The following GABRR1 variants were observed in gnomAD, a reference collection of about 807,000 sequenced individuals.
The protein encoded by GABRR1 is gamma-aminobutyric acid type A receptor subunit rho1.
GABRR1 carries 59 observed loss-of-function variants against 55.5 expected under a neutral mutation model. The observed-to-expected ratio is 1.06, with a 90% CI of 0.86 to 1.32. The LOEUF (loss-of-function observed/expected upper bound fraction) is 1.32. Ranked by LOEUF, GABRR1 falls within the 40% of genes most tolerant of loss-of-function variation. GABRR1 has a pLI of 0.00. For missense variants in GABRR1, 602 were observed against 619.1 expected, an observed-to-expected ratio of 0.97 and a Z score of 0.29; for synonymous variants, 213 against 226.0, an observed-to-expected ratio of 0.94 and a Z score of 0.51.
At chr6:89,213,235 C>T (rs1017418538) in intron 1 of GABRR1, among the ~76,000 whole-genome samples, 7 of 152,188 alleles carry the variant, frequency 4.6e-5, no homozygotes, top group African/African-American at 1.7e-4. Flanking sequence ...GATTCACCCC[C>T]TGGTGTGCCC....
rs566998787 is a variant in GABRR1 at position 89,215,541 on chromosome 6, A to ATGAGGTAT, written c.122+1659_122+1660insATACCTCA. ...TACCAGAGGCTGGGAGATTGAGGGTATGAGGAGATGTTGGCCAAGAAGTAG... is the reference window on the plus strand; with the variant it reads ...TACCAGAGGCTGGGAGATTGAGGGTATGAGGTATTGAGGAGATGTTGGCCAAGAAGTAG... On this transcript the variant is annotated intron_variant, in intron 1 of 9. Transcript: ENST00000454853. Among the ~76,000 whole-genome samples the ATGAGGTAT allele has an allele frequency of 4.5e-3, 686 of 152,310 alleles. 17 individuals are homozygous for ATGAGGTAT. The highest frequency in any genetic ancestry group is 0.042 in the Admixed American group (644 of 15,294).
At chr6:89,220,309 T>C (rs1773095183), upstream of GABRR1, among the ~76,000 whole-genome samples, 1 of 152,128 alleles carries the variant, frequency 6.6e-6, no homozygotes, top group Admixed American at 6.5e-5. Context: ...GTTCAGCAGG[T>C]CCCCAGTTAG....
upstream of GABRR1, among the ~76,000 whole-genome samples, chr6:89,218,092 C>G (rs1773042636): frequency 6.6e-6 from 1 of 152,168 alleles, no homozygotes. Context: ...CTTTAAGACT[C>G]TGCTATAATC....
chr6:89,187,073 G>A (rs1771925296), intron 6 of GABRR1, among the ~76,000 whole-genome samples: 1 of 152,170 alleles, frequency 6.6e-6, no homozygotes, highest in Non-Finnish European at 1.5e-5. Flanking sequence ...AGGAGTCACA[G>A]GGGTGTCCAC....
At chr6:89,230,738 G>C (rs921176088) in intron 1 of GABRR1, among the ~76,000 whole-genome samples, 2 of 151,850 alleles carry the variant, frequency 1.3e-5, no homozygotes, top group Admixed American at 6.6e-5. Context: ...CCTGCCCCCA[G>C]AGGTGGAGCC....
intron 1 of GABRR1, among the ~76,000 whole-genome samples, chr6:89,205,302 T>C (rs928823107): frequency 6.6e-6 from 1 of 152,150 alleles, no homozygotes; most frequent in East Asian, 1.9e-4. Flanking sequence ...TGCCAGGAAA[T>C]TGGCTTAGAT....
upstream of GABRR1, chr6:89,221,557 AG>A (rs1240157847): frequency 6.6e-6 from 1 of 152,222 alleles, no homozygotes; most frequent in East Asian, 1.9e-4. Flanking sequence ...GATGATTTAA[AG>A]TATACAGGAG....
At chr6:89,196,865 A>AAGAAAGAAAGAG (rs1772306756) in intron 5 of GABRR1, among the ~76,000 whole-genome samples, 1 of 138,168 alleles carries the variant, frequency 7.2e-6, no homozygotes, top group East Asian at 2.1e-4. Context: ...GAAAGAAAGA[A>AAGAAAGAAAGAG]AGAAAGAAAG....
At position 89,217,164 on chromosome 6, in the gene GABRR1, C is replaced by T. The variant is rs754038610; in HGVS notation, c.122+37G>A. ...ACTGTAAGCTCACTTTGTGCATCCT[C>T]TTTTCCTAAATCCTCTATCCCTAAA... On this transcript the variant is annotated intron_variant, in intron 1 of 9. Transcript: ENST00000454853. 71 of 1,608,248 alleles carry T rather than the reference C, an allele frequency of 4.4e-5. No individual in the cohort carries two copies. The Admixed American group carries it at 1.2e-3, about 27-fold the overall frequency.
At chr6:89,204,886 T>C (rs1355562655) in intron 1 of GABRR1, among the ~76,000 whole-genome samples, 1 of 152,220 alleles carries the variant, frequency 6.6e-6, no homozygotes, top group Non-Finnish European at 1.5e-5. Flanking sequence ...TTATGATTCT[T>C]GGAGAATTAT....
rs1185861426 is a variant in GABRR1 at position 89,180,499 on chromosome 6, A to G, written c.950-11T>C. The stretch of plus-strand genomic sequence containing the variant: ...GCACCGTTGTGATACCTGCAAACAC[A>G]AGAATGAGAAACAAGTGTTTGCTTG... On this transcript the variant is annotated splice_polypyrimidine_tract_variant and intron_variant, in intron 8 of 9. Transcript: ENST00000454853. 6.8e-6 allele frequency: 11 copies of G among 1,611,350 alleles called. No homozygotes were observed. The highest frequency in any genetic ancestry group is 1.1e-5 in the South Asian group (1 of 90,978).
intron 1 of GABRR1, among the ~76,000 whole-genome samples, chr6:89,206,442 T>C (rs750451731): frequency 2.4e-4 from 36 of 152,154 alleles, no homozygotes; most frequent in Non-Finnish European, 3.7e-4. Flanking sequence ...TCATACCCTT[T>C]GTTACCCAGA....
intron 1 of GABRR1, among the ~76,000 whole-genome samples, chr6:89,223,616 G>T (rs544943354): frequency 6.6e-5 from 10 of 152,206 alleles, no homozygotes; most frequent in Admixed American, 5.2e-4. Context: ...GTTCTCTAAG[G>T]AATCTCCACA....
chr6:89,186,708 C>G (rs1184891767), intron 6 of GABRR1, among the ~76,000 whole-genome samples: 1 of 152,246 alleles, frequency 6.6e-6, no homozygotes, highest in African/African-American at 2.4e-5. Context: ...CAGTCTGGCT[C>G]TGCCACCGAG....
Position 89,178,043 on chromosome 6 carries a change from A to C in GABRR1, c.*727T>G, listed in dbSNP as rs949996240. 4 of 152,294 alleles carry C rather than the reference A, an allele frequency of 2.6e-5. 1 individual carries two copies. The highest frequency in any genetic ancestry group is 2.6e-4 in the Admixed American group (4 of 15,296). The allele number at this position is 152,294 out of a possible 1,614,324, so 9.4% of individuals were successfully genotyped here. A position where few individuals can be genotyped will look rare whatever the true frequency, so the allele number is the denominator to read the frequency against. Reference sequence around the variant, plus strand: ...ATAAAATAGGGAACATTTAAACACAAATTTTCTAGCCTAGTTACCTCTATG... The same window carrying C: ...ATAAAATAGGGAACATTTAAACACACATTTTCTAGCCTAGTTACCTCTATG... On this transcript the variant is annotated 3_prime_UTR_variant, in exon 10 of 10. Coordinates refer to ENST00000454853, the MANE Select transcript of GABRR1 (RefSeq NM_002042.5).
At chr6:89,213,689 C>T (rs1965587064) in intron 1 of GABRR1, among the ~76,000 whole-genome samples, 1 of 152,188 alleles carries the variant, frequency 6.6e-6, no homozygotes, top group African/African-American at 2.4e-5. Context: ...ATTCTATTGA[C>T]TTTTCAAATA....
At chr6:89,212,425 TC>T (rs2127806674) in intron 1 of GABRR1, among the ~76,000 whole-genome samples, 1 of 34,720 alleles carries the variant, frequency 2.9e-5, no homozygotes, top group South Asian at 1.1e-3. Context: ...GCAAGCATCG[TC>T]TCTCTGAAAT....
intron 1 of GABRR1, among the ~76,000 whole-genome samples, chr6:89,225,485 A>G (rs1462612192): frequency 1.5e-5 from 2 of 134,028 alleles, no homozygotes; most frequent in Admixed American, 7.5e-5. Context: ...TCATTGTTCA[A>G]TTCCCACCTA....
chr6:89,226,710 C>T (rs1451831836), intron 1 of GABRR1, among the ~76,000 whole-genome samples: 2 of 101,194 alleles, frequency 2.0e-5, no homozygotes, highest in African/African-American at 8.0e-5. Flanking sequence ...ATGCCTCCAG[C>T]TTTGTTCTTT....
Sources: allele counts gnomAD v4.1 joint callset (sites outside exome capture counted in the v4.1 genomes callset), GRCh38; gene constraint gnomAD v4.1.1; transcripts MANE v1.5; gene names NCBI Gene and HGNC (gene_info 2026-07-23, HGNC 2026-07-21).